The following ZNF609 variants were observed in gnomAD, a reference collection of about 807,000 sequenced individuals.
ZNF609 encodes zinc finger protein 609.
In ZNF609, 11 loss-of-function variants were observed where a neutral mutation model predicts 109.5. The observed-to-expected ratio is 0.10, with a 90% CI of 0.06 to 0.17. The LOEUF (loss-of-function observed/expected upper bound fraction) is 0.17. ZNF609 is among the 10% of genes least tolerant of loss of function. ZNF609 has a pLI of 1.00. For synonymous variants in ZNF609, 646 were observed against 662.0 expected, an observed-to-expected ratio of 0.98 and a Z score of 0.37; for missense variants, 1,559 against 1,772.4, an observed-to-expected ratio of 0.88 and a Z score of 2.16.
chr15:64,538,802 C>A (rs1430509861), intron 2 of ZNF609, among the ~76,000 whole-genome samples: 1 of 152,148 alleles, frequency 6.6e-6, no homozygotes, highest in Non-Finnish European at 1.5e-5. Context: ...GCCTCGACCT[C>A]CCAAAGTGCT....
intron 3 of ZNF609, among the ~76,000 whole-genome samples, chr15:64,640,869 T>G (rs114287132): frequency 5.1e-4 from 77 of 152,342 alleles, no homozygotes; most frequent in African/African-American, 1.8e-3. Flanking sequence ...TATGCAAAGT[T>G]TCCCTAGTGT....
At chr15:64,649,401 C>T (rs921927598) in intron 3 of ZNF609, among the ~76,000 whole-genome samples, 2 of 150,784 alleles carry the variant, frequency 1.3e-5, no homozygotes. Context: ...CTCACACTCT[C>T]TCTCACACAC....
chr15:64,534,842 G>A (rs925620072), intron 2 of ZNF609, among the ~76,000 whole-genome samples: 9 of 152,040 alleles, frequency 5.9e-5, no homozygotes, highest in Non-Finnish European at 1.2e-4. Flanking sequence ...AGACCAGTCT[G>A]CCCAACGTGG....
At chr15:64,478,261 G>A (rs1488583073) in intron 1 of ZNF609, among the ~76,000 whole-genome samples, 1 of 151,346 alleles carries the variant, frequency 6.6e-6, no homozygotes, top group African/African-American at 2.4e-5. Flanking sequence ...ATTCACAGGT[G>A]TGATCATAAG....
Position 64,574,790 on chromosome 15 carries a change from G to A in ZNF609, c.748-48037G>A, listed in dbSNP as rs868613166. 2.0e-5 allele frequency among the ~76,000 whole-genome samples: 3 copies of A among 152,254 alleles called. No individual in the cohort carries two copies. In the South Asian group the frequency reaches 6.2e-4, roughly 32 times the overall value. On this transcript the variant is annotated intron_variant, in intron 2 of 9. Coordinates refer to ENST00000326648, the MANE Select transcript of ZNF609 (RefSeq NM_015042.2). ...GTTGCTGATGGAATTAAAACGAAAT[G>A]TGTCTGCAGCCTCTGTGGTTTGCTG...
At chr15:64,604,786 A>T (rs191269738) in intron 2 of ZNF609, among the ~76,000 whole-genome samples, 2 of 151,862 alleles carry the variant, frequency 1.3e-5, no homozygotes, top group Admixed American at 1.3e-4. Flanking sequence ...GCTTTCCCCT[A>T]ATTTGGCTTT....
chr15:64,612,297 G>A (rs940989846), intron 2 of ZNF609, among the ~76,000 whole-genome samples: 1 of 151,714 alleles, frequency 6.6e-6, no homozygotes, highest in East Asian at 1.9e-4. Context: ...ACAGGTGCCC[G>A]CCACCACGCC....
At chr15:64,535,535 C>T (rs891850047) in intron 2 of ZNF609, among the ~76,000 whole-genome samples, 2 of 152,014 alleles carry the variant, frequency 1.3e-5, no homozygotes, top group Non-Finnish European at 2.9e-5. Context: ...TGGAGGTGAG[C>T]TGGGCTGTTT....
At chr15:64,665,676 G>A (rs1388040577) in intron 3 of ZNF609, among the ~76,000 whole-genome samples, 2 of 152,172 alleles carry the variant, frequency 1.3e-5, no homozygotes, top group African/African-American at 2.4e-5. Context: ...TTGGAAGGCC[G>A]AGGCAGGCAG....
At chr15:64,570,017 CTCTT>C (rs1475328661) in intron 2 of ZNF609, among the ~76,000 whole-genome samples, 1 of 152,128 alleles carries the variant, frequency 6.6e-6, no homozygotes, top group Non-Finnish European at 1.5e-5. Context: ...GAGATAGGAA[CTCTT>C]TCTTTCTTAC....
At chr15:64,609,095 T>TCTTC (rs1895666756) in intron 2 of ZNF609, among the ~76,000 whole-genome samples, 4 of 33,030 alleles carry the variant, frequency 1.2e-4, no homozygotes, top group African/African-American at 2.5e-4. Flanking sequence ...TTTCTTTCTT[T>TCTTC]CTTTCTTTCT....
intron 2 of ZNF609, among the ~76,000 whole-genome samples, chr15:64,610,277 C>T (rs1895696025): frequency 6.6e-6 from 1 of 152,034 alleles, no homozygotes; most frequent in Non-Finnish European, 1.5e-5. Context: ...AACACATGGA[C>T]ACTTAGAGGG....
chr15:64,548,029 T>G (rs1894397096), intron 2 of ZNF609, among the ~76,000 whole-genome samples: 1 of 152,212 alleles, frequency 6.6e-6, no homozygotes, highest in Non-Finnish European at 1.5e-5. Context: ...TGATGAGGAT[T>G]ATCTCAAGTT....
At chr15:64,480,045 T>C (rs1893230128) in intron 1 of ZNF609, among the ~76,000 whole-genome samples, 1 of 150,766 alleles carries the variant, frequency 6.6e-6, no homozygotes, top group Non-Finnish European at 1.5e-5. Context: ...GAAACCAGCC[T>C]GGCGAACGTG....
rs922717826 is a variant in ZNF609 at position 64,674,725 on chromosome 15, T to C, written c.1871T>C (p.Phe624Ser). The change falls in exon 5 of 10, where the codon TTT becomes TCT. Residue 624 changes from phenylalanine (F) to serine (S), a missense_variant. This residue lies in a region of ZNF609 where 1,204 missense variants were observed against 1,314.1 expected (regional missense o/e 0.92). Transcript: ENST00000326648. ...ATGGATGAAACAAGCAATGATGCCT[T>C]TGATTCTTTAGAAAGGAAGTGTATG... The part of the protein sequence containing the change: ...SVMDETSNDA[F>S]DSLERKCMEK... 3 of 1,613,988 alleles carry C rather than the reference T, an allele frequency of 1.9e-6. No homozygotes were observed. The highest frequency in any genetic ancestry group is 2.5e-6 in the Non-Finnish European group (3 of 1,180,032).
chr15:64,511,175 G>A (rs1376994378), intron 2 of ZNF609, among the ~76,000 whole-genome samples: 1 of 151,812 alleles, frequency 6.6e-6, no homozygotes, highest in Non-Finnish European at 1.5e-5. Context: ...GAGTGTTGTA[G>A]AAAGGAGGTA....
chr15:64,609,169 T>G (rs972786525), intron 2 of ZNF609, among the ~76,000 whole-genome samples: 4 of 147,668 alleles, frequency 2.7e-5, no homozygotes, highest in East Asian at 2.0e-4. Flanking sequence ...CTTTCTTTCT[T>G]TCTGTCTGTC....
chr15:64,535,038 T>A (rs1438939400), intron 2 of ZNF609, among the ~76,000 whole-genome samples: 2 of 147,946 alleles, frequency 1.4e-5, no homozygotes, highest in Admixed American at 1.3e-4. Flanking sequence ...AAACTCCGTC[T>A]CCAAAAAAAA....
intron 2 of ZNF609, among the ~76,000 whole-genome samples, chr15:64,591,951 C>T (rs966906569): frequency 4.6e-5 from 7 of 152,004 alleles, no homozygotes; most frequent in South Asian, 2.1e-4. Flanking sequence ...TCAGGTGATC[C>T]GCCCGCCTTG....
Sources: allele counts gnomAD v4.1 joint callset (sites outside exome capture counted in the v4.1 genomes callset), GRCh38; gene constraint gnomAD v4.1.1; regional missense constraint gnomAD v4.1.1; transcripts MANE v1.5; gene names NCBI Gene and HGNC (gene_info 2026-07-23, HGNC 2026-07-21).